Variants in DAB1 observed in about 807,000 individuals in gnomAD.
The protein encoded by DAB1 is DAB adaptor protein 1, also known as disabled homolog 1.
In DAB1, 15 loss-of-function variants were observed where a neutral mutation model predicts 64.6. The observed-to-expected ratio is 0.23, with a 90% CI of 0.16 to 0.36. The LOEUF (loss-of-function observed/expected upper bound fraction) is 0.36. Among genes scored for constraint, DAB1 ranks in the 10% least tolerant of loss-of-function variants. The probability of loss-of-function intolerance (pLI) is 1.00; values close to 1 mark genes in which losing one functional copy is unlikely to be tolerated. For missense variants in DAB1, 596 were observed against 706.7 expected (o/e 0.84, Z 1.78); for synonymous variants, 235 against 251.9 (o/e 0.93, Z 0.64).
chr1:57,606,376 C>CTA (rs58167700), intron 7 of DAB1, among the ~76,000 whole-genome samples: 48,853 of 117,234 alleles, frequency 0.42, 11,740 homozygotes, highest in Non-Finnish European at 0.53. Context: ...CATTCTAATC[C>CTA]TATATATATA....
In DAB1 at chr1:57,057,764, T is replaced by C. The variant is rs533266438; in HGVS notation, c.723+5120A>G. Among the ~76,000 whole-genome samples the C allele has an allele frequency of 3.5e-3, 438 of 123,542 alleles. 1 individual carries two copies. The highest frequency in any genetic ancestry group is 0.011 in the African/African-American group (360 of 31,844). The allele number at this position is 123,542 out of a possible 152,430, so 81.0% of individuals were successfully genotyped here. ...CTGGGACTACAGGTGCCTGCCACCA[T>C]GCCTGGCTAATTTTTTTGTATTTTT... On this transcript the variant is annotated intron_variant, in intron 9 of 14. Coordinates refer to ENST00000371236, the MANE Select transcript of DAB1 (RefSeq NM_001365792.1).
chr1:57,941,000 G>A (rs968252188), intron 5 of DAB1, among the ~76,000 whole-genome samples: 3 of 152,180 alleles, frequency 2.0e-5, no homozygotes, highest in African/African-American at 7.2e-5. Context: ...GCAATGCAGT[G>A]AGCATCTGAT....
chr1:58,182,805 A>G (rs750939703), intron 4 of DAB1, among the ~76,000 whole-genome samples: 1 of 151,986 alleles, frequency 6.6e-6, no homozygotes, highest in Non-Finnish European at 1.5e-5. Context: ...CGTCAAATAT[A>G]GTATGTTTTA....
At chr1:57,468,698 T>A (rs939633474) in intron 7 of DAB1, among the ~76,000 whole-genome samples, 1 of 152,042 alleles carries the variant, frequency 6.6e-6, no homozygotes, top group Non-Finnish European at 1.5e-5. Flanking sequence ...AGAAAAAAAA[T>A]TATGAGCAGA....
At chr1:57,684,455 A>C (rs1646671314) in intron 6 of DAB1, among the ~76,000 whole-genome samples, 1 of 152,176 alleles carries the variant, frequency 6.6e-6, no homozygotes, top group Admixed American at 6.5e-5. Context: ...AAACCAGAAG[A>C]GATTGGGGAT....
intron 2 of DAB1, among the ~76,000 whole-genome samples, chr1:57,166,943 C>T (rs1225910300): frequency 6.6e-6 from 1 of 152,202 alleles, no homozygotes; most frequent in Non-Finnish European, 1.5e-5. Context: ...CACCATGCTC[C>T]ACCACCTGTG....
intron 6 of DAB1, among the ~76,000 whole-genome samples, chr1:57,696,018 C>T (rs546998015): frequency 1.3e-5 from 2 of 152,320 alleles, no homozygotes; most frequent in African/African-American, 4.8e-5. Context: ...AGAACCTTAA[C>T]ACCCAAGAAC....
intron 7 of DAB1, among the ~76,000 whole-genome samples, chr1:57,581,346 A>T (rs57890373): frequency 0.033 from 4,996 of 152,252 alleles, 308 homozygotes; most frequent in African/African-American, 0.11. Flanking sequence ...AAATTTTTTT[A>T]AAAATACTAT....
In DAB1 at chr1:57,452,166, CTTTTTTTT is replaced by C. The variant is rs78592207; in HGVS notation, n.626-161008_626-161001del. Reference sequence around the variant, plus strand: ...GATTTAGTCTCTCTCTGCACCCCCCCTTTTTTTTTTTTTTTTTTTTTGACATGGTCTTG... The same window carrying C: ...GATTTAGTCTCTCTCTGCACCCCCCCTTTTTTTTTTTTTGACATGGTCTTG... On this transcript the variant is annotated intron_variant and non_coding_transcript_variant, in intron 7 of 20. Transcript: ENST00000485760. Among the ~76,000 whole-genome samples, 414 of 75,014 alleles carry C rather than the reference CTTTTTTTT, an allele frequency of 5.5e-3. 5 individuals are homozygous for C. Among genetic ancestry groups the C allele is most frequent in the Non-Finnish European group, 6.8e-3 (296 of 43,694 alleles). 49.2% of individuals were successfully genotyped at this position (75,014 alleles called of 152,430 possible). A position where few individuals can be genotyped will look rare whatever the true frequency, so the allele number is the denominator to read the frequency against.
chr1:57,344,035 C>A (rs1677886181), intron 1 of DAB1, among the ~76,000 whole-genome samples: 1 of 152,248 alleles, frequency 6.6e-6, no homozygotes, highest in South Asian at 2.1e-4. Context: ...TAGAGTATAT[C>A]ATTTTATCCT....
At chr1:58,291,315 A>T (rs911667151) in intron 4 of DAB1, among the ~76,000 whole-genome samples, 3 of 152,180 alleles carry the variant, frequency 2.0e-5, no homozygotes, top group African/African-American at 7.2e-5. Flanking sequence ...TTATTTCCTG[A>T]ATAACACAGC....
At chr1:58,091,229 C>T (rs981889666) in intron 5 of DAB1, among the ~76,000 whole-genome samples, 1 of 152,142 alleles carries the variant, frequency 6.6e-6, no homozygotes, top group Non-Finnish European at 1.5e-5. Flanking sequence ...TTATTTATTA[C>T]CCTTTTGGAT....
chr1:58,169,847 T>C (rs535964759), intron 4 of DAB1, among the ~76,000 whole-genome samples: 3 of 152,246 alleles, frequency 2.0e-5, no homozygotes, highest in South Asian at 4.1e-4. Flanking sequence ...CTTCAAGCTG[T>C]AGGGGGAAGG....
At chr1:57,237,981 C>T (rs375491938) in intron 2 of DAB1, among the ~76,000 whole-genome samples, 10 of 152,014 alleles carry the variant, frequency 6.6e-5, no homozygotes, top group African/African-American at 2.2e-4. Flanking sequence ...AGATGGGGAA[C>T]CAAGCAGCAG....
At chr1:57,116,801 C>T (rs1291502721) in intron 4 of DAB1, among the ~76,000 whole-genome samples, 1 of 152,164 alleles carries the variant, frequency 6.6e-6, no homozygotes, top group Non-Finnish European at 1.5e-5. Context: ...AAATATACAG[C>T]AGGAGAAATA....
At chr1:57,026,085 T>A in intron 9 of DAB1, 42 bp from the exon 10 acceptor site, 1 of 1,473,070 alleles carries the variant, frequency 6.8e-7, no homozygotes, top group Non-Finnish European at 9.4e-7. Flanking sequence ...CAAAGAAAGC[T>A]GGTGCTGCTG....
chr1:57,839,667 G>T (rs1028887674), intron 1 of DAB1, among the ~76,000 whole-genome samples: 1 of 152,174 alleles, frequency 6.6e-6, no homozygotes, highest in Non-Finnish European at 1.5e-5. Context: ...ACAATACAGT[G>T]CTTTGCAAAG....
chr1:57,522,628 C>A (rs1644542201), intron 7 of DAB1, among the ~76,000 whole-genome samples: 1 of 152,086 alleles, frequency 6.6e-6, no homozygotes, highest in Non-Finnish European at 1.5e-5. Context: ...AAGGGGTGGA[C>A]TTGTGATGGT....
intron 7 of DAB1, among the ~76,000 whole-genome samples, chr1:57,495,467 C>T (rs938065831): frequency 3.3e-5 from 5 of 152,060 alleles, no homozygotes; most frequent in South Asian, 4.1e-4. Context: ...ATCCTTTAAC[C>T]GTCAATCAAA....
Sources: allele counts gnomAD v4.1 joint callset (sites outside exome capture counted in the v4.1 genomes callset), GRCh38; gene constraint gnomAD v4.1.1; transcripts MANE v1.5; gene names NCBI Gene and HGNC (gene_info 2026-07-23, HGNC 2026-07-21).